The following ADRA1B variants were observed in gnomAD, a reference collection of about 807,000 sequenced individuals.
ADRA1B encodes adrenoceptor alpha 1B, also known as alpha-1B adrenergic receptor.
ADRA1B carries 17 observed loss-of-function variants against 17.9 expected under a neutral mutation model. The ratio of observed to expected loss-of-function variants is 0.95; its 90% confidence interval spans 0.65 to 1.42. The LOEUF (loss-of-function observed/expected upper bound fraction) is 1.42. ADRA1B is among the 40% of genes most tolerant of loss of function. The pLI, the probability that ADRA1B is intolerant of heterozygous loss-of-function variation, is 0.00. For missense variants in ADRA1B, 681 were observed against 722.1 expected, an observed-to-expected ratio of 0.94 and a Z score of 0.65; for synonymous variants, 366 against 327.6, an observed-to-expected ratio of 1.12 and a Z score of -1.27.
At chr5:159,942,174 G>A (rs536336286) in intron 1 of ADRA1B, among the ~76,000 whole-genome samples, 24 of 152,108 alleles carry the variant, frequency 1.6e-4, no homozygotes, top group South Asian at 2.1e-4. Flanking sequence ...CGCCCGCCTC[G>A]GCCTCCCAAA....
chr5:159,974,276 T>G (rs1351826895), downstream of ADRA1B, among the ~76,000 whole-genome samples: 1 of 152,242 alleles, frequency 6.6e-6, no homozygotes, highest in East Asian at 1.9e-4. Flanking sequence ...CATGACATTC[T>G]TACAACTTGA....
intron 1 of ADRA1B, among the ~76,000 whole-genome samples, chr5:159,928,026 A>G (rs923664946): frequency 9.9e-5 from 15 of 152,168 alleles, no homozygotes; most frequent in Admixed American, 2.6e-4. Context: ...CTGAGCTAAG[A>G]TTTGAATCTA....
downstream of ADRA1B, among the ~76,000 whole-genome samples, chr5:159,973,780 C>T (rs1403697497): frequency 6.6e-6 from 1 of 152,166 alleles, no homozygotes; most frequent in African/African-American, 2.4e-5. Context: ...AGACTTACTT[C>T]CCTCTCTGGA....
chr5:159,894,325 G>A (rs1368025419), intron 1 of ADRA1B, among the ~76,000 whole-genome samples: 1 of 152,242 alleles, frequency 6.6e-6, no homozygotes, highest in Non-Finnish European at 1.5e-5. Flanking sequence ...TAAAACGCTT[G>A]TCACCAGATG....
the ADRA1B span, among the ~76,000 whole-genome samples, chr5:159,985,864 G>A: frequency 1.4e-4 from 21 of 152,262 alleles, no homozygotes; most frequent in Non-Finnish European, 2.8e-4. Context: ...CTGAAGGGAA[G>A]AGAGTTCCGT....
intron 1 of ADRA1B, among the ~76,000 whole-genome samples, chr5:159,944,432 T>C (rs529381120): frequency 2.0e-5 from 3 of 152,352 alleles, no homozygotes; most frequent in African/African-American, 7.2e-5. Flanking sequence ...GTTAATCAGT[T>C]AATTATTGTA....
rs13306140 is a variant in ADRA1B, at chr5:159,918,435, G to C, written c.949+581G>C. ...TACTACGTTCATTATCCGTTAATAAGAGCATTTTACAGCCACACAGCCCCA... is the reference window on the plus strand; with the variant it reads ...TACTACGTTCATTATCCGTTAATAACAGCATTTTACAGCCACACAGCCCCA... On this transcript the variant is annotated intron_variant, in intron 1 of 1. Coordinates refer to ENST00000306675, the MANE Select transcript of ADRA1B (RefSeq NM_000679.4). Among the ~76,000 whole-genome samples, 117 of 152,290 alleles carry C rather than the reference G, an allele frequency of 7.7e-4. 5 individuals carry two copies. In the East Asian group the frequency reaches 0.015, roughly 19 times the overall value.
At chr5:159,885,750 C>T (rs1265892783) in intron 1 of ADRA1B, among the ~76,000 whole-genome samples, 2 of 152,144 alleles carry the variant, frequency 1.3e-5, no homozygotes, top group African/African-American at 4.8e-5. Flanking sequence ...CTTTTTTATG[C>T]CACTTTGAGC....
intron 1 of ADRA1B, among the ~76,000 whole-genome samples, chr5:159,970,664 A>T (rs139515935): frequency 9.8e-4 from 150 of 152,324 alleles, no homozygotes; most frequent in African/African-American, 3.4e-3. Context: ...CATCTCCAGG[A>T]TGTGTGTACA....
chr5:159,917,272 G>C lies in ADRA1B; in HGVS notation c.367G>C (p.Ala123Pro), dbSNP rs1161702456. 1 of 1,614,134 alleles carries C rather than the reference G, an allele frequency of 6.2e-7. No homozygotes were observed. The highest frequency in any genetic ancestry group is 1.7e-5 in the Admixed American group (1 of 60,032). ...LGRIFCDIWA[A>P]VDVLCCTASI... ...GCGGATCTTCTGTGACATCTGGGCAGCCGTGGATGTCCTGTGCTGCACAGC... is the reference window on the plus strand; with the variant it reads ...GCGGATCTTCTGTGACATCTGGGCACCCGTGGATGTCCTGTGCTGCACAGC... Residue 123 changes from alanine (A) to proline (P), a missense_variant, in exon 1 of 2, where the codon GCC becomes CCC. By Grantham distance (27) the Ala-to-Pro change is conservative. Coordinates refer to ENST00000306675, the MANE Select transcript of ADRA1B (RefSeq NM_000679.4).
intron 1 of ADRA1B, among the ~76,000 whole-genome samples, chr5:159,966,788 C>T (rs1414566088): frequency 6.6e-6 from 1 of 152,182 alleles, no homozygotes. Context: ...TGCACAGAAA[C>T]ACCCAAATGT....
At chr5:159,936,205 T>A (rs973738353) in intron 1 of ADRA1B, among the ~76,000 whole-genome samples, 1 of 152,152 alleles carries the variant, frequency 6.6e-6, no homozygotes, top group Non-Finnish European at 1.5e-5. Flanking sequence ...CTGCCAAACA[T>A]CCTACAATGC....
Position 159,927,381 on chromosome 5 carries a change from G to GCACACA in ADRA1B, c.949+9555_949+9560dup, listed in dbSNP as rs59807316. Among the ~76,000 whole-genome samples, 802 of 140,704 alleles carry GCACACA rather than the reference G, an allele frequency of 5.7e-3. 6 individuals carry two copies. The highest frequency in any genetic ancestry group is 0.011 in the Middle Eastern group (3 of 282). 92.3% of individuals were successfully genotyped at this position (140,704 alleles called of 152,430 possible). A position where few individuals can be genotyped will look rare whatever the true frequency, so the allele number is the denominator to read the frequency against. On this transcript the variant is annotated intron_variant, in intron 1 of 1. Coordinates refer to ENST00000306675, the MANE Select transcript of ADRA1B (RefSeq NM_000679.4). ...ATAATAAAATTATAAATTAAAACAT[G>GCACACA]CACACACACACACACACACACACAC...
rs1755668686 is a variant in ADRA1B, at chr5:159,961,844, C to T, written c.950-10035C>T. On this transcript the variant is annotated intron_variant, in intron 1 of 1. Coordinates refer to ENST00000306675, the MANE Select transcript of ADRA1B (RefSeq NM_000679.4). Reference sequence around the variant, plus strand: ...CAGCCCATGGCTGGCATTTTGTAGACCAGATAAATGATGCTTTAGGTCCCC... The same window carrying T: ...CAGCCCATGGCTGGCATTTTGTAGATCAGATAAATGATGCTTTAGGTCCCC... Among the ~76,000 whole-genome samples the T allele has an allele frequency of 2.0e-5, 3 of 152,196 alleles. 1 individual carries two copies. The South Asian group carries it at 6.2e-4, about 32-fold the overall frequency.
chr5:159,927,508 T>C (rs1276858265), intron 1 of ADRA1B, among the ~76,000 whole-genome samples: 4 of 152,110 alleles, frequency 2.6e-5, no homozygotes, highest in Non-Finnish European at 5.9e-5. Context: ...TATCAGATTA[T>C]TTCACCAAAA....
Position 159,971,923 on chromosome 5 carries a change from G to T in ADRA1B, c.994G>T (p.Val332Leu). ...GAAGCCCCCCGACGCCGTGTTCAAGGTGGTGTTCTGGCTGGGCTACTTCAA... is the reference window on the plus strand; with the variant it reads ...GAAGCCCCCCGACGCCGTGTTCAAGTTGGTGTTCTGGCTGGGCTACTTCAA... ...TLKPPDAVFK[V>L]VFWLGYFNSC... The change falls in exon 2 of 2, where the codon GTG (valine) becomes TTG (leucine). Residue 332 changes from valine (V) to leucine (L), a missense_variant. By Grantham distance (32) the Val-to-Leu change is conservative. This residue lies in a region of ADRA1B where 424 missense variants were observed against 480.2 expected (regional missense o/e 0.88). Coordinates refer to ENST00000306675, the MANE Select transcript of ADRA1B (RefSeq NM_000679.4). 1 of 1,393,930 alleles carries T rather than the reference G, an allele frequency of 7.2e-7. No homozygotes were observed. The highest frequency in any genetic ancestry group is 9.4e-7 in the Non-Finnish European group (1 of 1,067,730). The allele number at this position is 1,393,930 out of a possible 1,614,324, so 86.3% of individuals were successfully genotyped here.
intron 1 of ADRA1B, among the ~76,000 whole-genome samples, chr5:159,962,880 T>C (rs1334538780): frequency 6.9e-6 from 1 of 145,164 alleles, no homozygotes; most frequent in Non-Finnish European, 1.5e-5. Flanking sequence ...GCTTGTTTGG[T>C]TTTTAGCTTT....
intron 1 of ADRA1B, among the ~76,000 whole-genome samples, chr5:159,905,771 C>T (rs1754155974): frequency 6.6e-6 from 1 of 152,122 alleles, no homozygotes; most frequent in South Asian, 2.1e-4. Context: ...AGGGGCAGGA[C>T]AGTCTTCCCT....
chr5:159,923,218 A>G (rs1188903681), intron 1 of ADRA1B, among the ~76,000 whole-genome samples: 3 of 152,282 alleles, frequency 2.0e-5, no homozygotes, highest in Non-Finnish European at 2.9e-5. Flanking sequence ...GGCCACATTA[A>G]GGACTTTAGA....
Sources: gnomAD v4.1 joint callset for allele counts (sites outside exome capture counted in the v4.1 genomes callset) on GRCh38, gnomAD v4.1.1 for gene constraint, gnomAD v4.1.1 regional missense constraint, MANE v1.5 for transcripts, NCBI Gene and HGNC (gene_info 2026-07-23, HGNC 2026-07-21) for gene names.